The following ABLIM3 variants were observed in gnomAD, a reference collection of about 807,000 sequenced individuals.
ABLIM3 encodes the protein actin-binding LIM protein 3.
In ABLIM3, 61 loss-of-function variants were observed where a neutral mutation model predicts 109.5. That is an observed-to-expected ratio of 0.56 (90% CI 0.45 to 0.69). ABLIM3 has a LOEUF of 0.69. Among genes scored for constraint, ABLIM3 ranks in the 30% least tolerant of loss-of-function variants. ABLIM3 has a pLI of 0.00. For missense variants in ABLIM3, 796 were observed against 889.5 expected, an observed-to-expected ratio of 0.89 and a Z score of 1.34; for synonymous variants, 300 against 324.8, an observed-to-expected ratio of 0.92 and a Z score of 0.82.
At chr5:149,257,457 A>G (rs965198122) in intron 23 of ABLIM3, among the ~76,000 whole-genome samples, 10 of 152,266 alleles carry the variant, frequency 6.6e-5, no homozygotes, top group Admixed American at 2.6e-4. Flanking sequence ...TAAGCAGTAT[A>G]TATGCCATAT....
chr5:149,237,424 C>A, intron 10 of ABLIM3, 24 bp from the exon 11 acceptor site: 1 of 1,611,464 alleles, frequency 6.2e-7, no homozygotes, highest in Non-Finnish European at 8.5e-7. Context: ...CTATTCCTTT[C>A]CTGTCCATTT....
At chr5:149,224,922 G>T (rs1761018718) in intron 8 of ABLIM3, among the ~76,000 whole-genome samples, 1 of 152,156 alleles carries the variant, frequency 6.6e-6, no homozygotes, top group African/African-American at 2.4e-5. Flanking sequence ...AACCCCTTAA[G>T]AATATTACAT....
intron 5 of ABLIM3, among the ~76,000 whole-genome samples, chr5:149,205,121 T>C (rs1382742819): frequency 1.3e-5 from 2 of 152,216 alleles, no homozygotes; most frequent in Non-Finnish European, 2.9e-5. Flanking sequence ...ACTATAGTTG[T>C]CTTTAATTCT....
chr5:149,253,412 T>C (rs143920018), intron 23 of ABLIM3, among the ~76,000 whole-genome samples: 1 of 152,324 alleles, frequency 6.6e-6, no homozygotes, highest in East Asian at 1.9e-4. Context: ...AACTTGGTTT[T>C]CTTCTCTGTA....
intron 8 of ABLIM3, among the ~76,000 whole-genome samples, chr5:149,225,618 T>C (rs1331070088): frequency 6.6e-6 from 1 of 152,146 alleles, no homozygotes; most frequent in African/African-American, 2.4e-5. Flanking sequence ...TGGAAGTTCT[T>C]CAGTGACGTT....
intron 2 of ABLIM3, among the ~76,000 whole-genome samples, chr5:149,154,337 G>A (rs1467340642): frequency 6.6e-6 from 1 of 152,222 alleles, no homozygotes; most frequent in Non-Finnish European, 1.5e-5. Flanking sequence ...TGTGATGTTA[G>A]CATTATATGG....
intron 2 of ABLIM3, chr5:149,177,180 C>T (rs1039531959): frequency 6.6e-6 from 1 of 152,290 alleles, no homozygotes; most frequent in Non-Finnish European, 1.5e-5. Flanking sequence ...TCCCTGCCCT[C>T]ATGGAGCTCA....
chr5:149,215,219 A>C (rs1269724212), intron 7 of ABLIM3, among the ~76,000 whole-genome samples: 1 of 152,220 alleles, frequency 6.6e-6, no homozygotes. Context: ...GACACAGAGT[A>C]GGAAGAGGCT....
chr5:149,212,081 C>G (rs1258003424), intron 7 of ABLIM3, among the ~76,000 whole-genome samples: 1 of 152,006 alleles, frequency 6.6e-6, no homozygotes, highest in East Asian at 1.9e-4. Context: ...CTTTGTAGAC[C>G]ATGTTTAGAA....
chr5:149,188,206 T>TA (rs945104318), intron 3 of ABLIM3, among the ~76,000 whole-genome samples: 2 of 152,080 alleles, frequency 1.3e-5, no homozygotes, highest in African/African-American at 4.8e-5. Context: ...GCATCCAGAT[T>TA]AAAAAGGAAG....
At position 149,200,230 on chromosome 5, in the gene ABLIM3, A is replaced by G. The variant is rs996873124; in HGVS notation, c.336-86A>G. 1.4e-5 allele frequency: 16 copies of G among 1,161,142 alleles called. No individual in the cohort carries two copies. The African/African-American group carries it at 2.0e-4, about 14-fold the overall frequency. 71.9% of individuals were successfully genotyped at this position (1,161,142 alleles called of 1,614,324 possible). ...CTCTAGAAGTCAAGCTGTATGTGTTACCAAAGTGCTTTGAGCACATGTGTG... is the reference window on the plus strand; with the variant it reads ...CTCTAGAAGTCAAGCTGTATGTGTTGCCAAAGTGCTTTGAGCACATGTGTG... On this transcript the variant is annotated intron_variant, in intron 4 of 23. Transcript: ENST00000309868.
Position 149,141,656 on chromosome 5 carries a change from T to G in ABLIM3, c.-88+2T>G. The G allele has an allele frequency of 1.2e-5, 2 of 171,152 alleles. No homozygotes were observed. Among genetic ancestry groups the G allele is most frequent in the Non-Finnish European group, 2.5e-5 (2 of 80,688 alleles). 10.6% of individuals were successfully genotyped at this position (171,152 alleles called of 1,614,324 possible). A position where few individuals can be genotyped will look rare whatever the true frequency, so the allele number is the denominator to read the frequency against. ...CTGGCTCCCGACACTGGCCGAGAGGTGGGTTCCGGGGCGGGTCGCTGCTCC... is the reference window on the plus strand; with the variant it reads ...CTGGCTCCCGACACTGGCCGAGAGGGGGGTTCCGGGGCGGGTCGCTGCTCC... On this transcript the variant is annotated splice_donor_variant, in intron 1 of 23. Transcript: ENST00000309868. LOFTEE classifies it low-confidence loss of function (5UTR_SPLICE).
In ABLIM3 at chr5:149,239,768, G is replaced by A. The variant is rs148352775; in HGVS notation, c.1084G>A (p.Glu362Lys). 168 of 1,604,932 alleles carry A rather than the reference G, an allele frequency of 1.0e-4. No homozygotes were observed. The highest frequency in any genetic ancestry group is 3.6e-4 in the South Asian group (32 of 89,852). Residue 362 changes from glutamate to lysine, a missense_variant, in exon 13 of 24, where the codon GAG (glutamate) becomes AAG (lysine). Physicochemically the swap from Glu to Lys is moderately conservative, Grantham distance 56 (BLOSUM62 1). Coordinates refer to ENST00000309868, the MANE Select transcript of ABLIM3 (RefSeq NM_014945.5). The stretch of plus-strand genomic sequence containing the variant: ...CCATTTCCTCTCCCAGGACATCTAC[G>A]AGAACCTGGACCTCCGGCAGAGACG... Reference protein sequence around the residue: ...TLSPYSQDIYENLDLRQRRAS... With the variant: ...TLSPYSQDIYKNLDLRQRRAS...
In ABLIM3 at chr5:149,145,924, C is replaced by T. The variant is rs149583092; in HGVS notation, c.13+3816C>T. Among the ~76,000 whole-genome samples the T allele has an allele frequency of 1.4e-3, 218 of 152,110 alleles. 1 individual carries two copies. The highest frequency in any genetic ancestry group is 5.1e-3 in the African/African-American group (211 of 41,514). ...CCTCAGCCTCCTGAGTAGCTAGGAC[C>T]GCAGGTGGGTGCCACCAGGCCCAGT... On this transcript the variant is annotated intron_variant, in intron 2 of 23. Coordinates refer to ENST00000309868, the MANE Select transcript of ABLIM3 (RefSeq NM_014945.5).
intron 12 of ABLIM3, 103 bp downstream of exon 12, chr5:149,239,380 G>T: frequency 7.7e-7 from 1 of 1,295,794 alleles, no homozygotes; most frequent in East Asian, 2.3e-5. Flanking sequence ...CTTGCCCAAG[G>T]TATTCCCTGC....
At chr5:149,212,519 C>T (rs1057421568) in intron 7 of ABLIM3, among the ~76,000 whole-genome samples, 11 of 152,058 alleles carry the variant, frequency 7.2e-5, no homozygotes, top group African/African-American at 1.7e-4. Flanking sequence ...GAGGCCCCTG[C>T]GTGACCCAGG....
Position 149,250,565 on chromosome 5 carries a change from A to G in ABLIM3, c.1788+60A>G. The G allele has an allele frequency of 1.9e-6, 3 of 1,570,330 alleles. No individual in the cohort carries two copies. The Admixed American group carries it at 5.0e-5, about 26-fold the overall frequency. On this transcript the variant is annotated intron_variant, in intron 20 of 23. Coordinates refer to ENST00000309868, the MANE Select transcript of ABLIM3 (RefSeq NM_014945.5). ...TGTCCCCAAAATGCTAATAAACCCA[A>G]CATTAGCTTATTGTAAGGTGAAACC...
chr5:149,204,242 T>A (rs1004120974), intron 5 of ABLIM3, among the ~76,000 whole-genome samples: 1 of 152,214 alleles, frequency 6.6e-6, no homozygotes, highest in Non-Finnish European at 1.5e-5. Flanking sequence ...TCATACATTC[T>A]GCCAGCTGAA....
intron 23 of ABLIM3, among the ~76,000 whole-genome samples, chr5:149,256,597 T>A (rs909243056): frequency 9.2e-5 from 14 of 152,252 alleles, no homozygotes; most frequent in African/African-American, 3.4e-4. Context: ...AGAATTCCTG[T>A]TAGATTTTCT....
Sources: gnomAD v4.1 joint callset for allele counts (sites outside exome capture counted in the v4.1 genomes callset) on GRCh38, gnomAD v4.1.1 for gene constraint, MANE v1.5 for transcripts, NCBI Gene and HGNC (gene_info 2026-07-23, HGNC 2026-07-21) for gene names.